Variants in TENM4 observed in about 807,000 individuals in gnomAD.
TENM4 encodes teneurin transmembrane protein 4, also known as teneurin-4.
TENM4 carries 82 observed loss-of-function variants against 243.3 expected under a neutral mutation model. The observed-to-expected ratio is 0.34, with a 90% CI of 0.28 to 0.40. The LOEUF (loss-of-function observed/expected upper bound fraction) is 0.40. TENM4 is among the 10% of genes least tolerant of loss of function. TENM4 has a pLI of 1.00. For missense variants in TENM4, 3,138 were observed against 3,673.3 expected, an observed-to-expected ratio of 0.85 and a Z score of 3.77; for synonymous variants, 1,412 against 1,456.3, an observed-to-expected ratio of 0.97 and a Z score of 0.69.
At chr11:78,933,194 A>T (rs1041028148) in intron 6 of TENM4, among the ~76,000 whole-genome samples, 1 of 152,102 alleles carries the variant, frequency 6.6e-6, no homozygotes, top group African/African-American at 2.4e-5. Flanking sequence ...TCTCCCTGGG[A>T]CAAGTGAGAA....
chr11:78,955,635 G>A (rs530906339), intron 6 of TENM4, among the ~76,000 whole-genome samples: 2 of 152,294 alleles, frequency 1.3e-5, no homozygotes, highest in East Asian at 3.9e-4. Context: ...AAAAGGAACT[G>A]CAAAGAGTCT....
intron 8 of TENM4, 105 bp from the exon 9 acceptor site, chr11:78,890,125 C>A: frequency 1.2e-6 from 1 of 867,642 alleles, no homozygotes; most frequent in Non-Finnish European, 1.7e-6. Context: ...TGCAGAGGAG[C>A]CTGGATAGAG....
chr11:79,156,470 A>C (rs1862618509), intron 3 of TENM4, among the ~76,000 whole-genome samples: 1 of 152,188 alleles, frequency 6.6e-6, no homozygotes, highest in Non-Finnish European at 1.5e-5. Flanking sequence ...TGAAATGGGC[A>C]AGGCTTTCTC....
intron 16 of TENM4, among the ~76,000 whole-genome samples, chr11:78,781,556 C>T (rs1027414835): frequency 3.9e-5 from 6 of 152,260 alleles, no homozygotes; most frequent in Admixed American, 2.6e-4. Flanking sequence ...CTTGCCTCTA[C>T]CAACAGAGGT....
intron 4 of TENM4, among the ~76,000 whole-genome samples, chr11:79,134,148 G>C (rs550656625): frequency 6.6e-6 from 1 of 152,232 alleles, no homozygotes; most frequent in African/African-American, 2.4e-5. Flanking sequence ...ATTCAGCAAA[G>C]TTTCCAGATA....
At chr11:79,087,987 C>T (rs1403577007) in intron 4 of TENM4, among the ~76,000 whole-genome samples, 1 of 152,208 alleles carries the variant, frequency 6.6e-6, no homozygotes, top group Non-Finnish European at 1.5e-5. Flanking sequence ...AAGCTCTGGC[C>T]CTTGGCCCCG....
intron 4 of TENM4, among the ~76,000 whole-genome samples, chr11:79,140,026 G>A (rs1862256514): frequency 6.6e-6 from 1 of 151,110 alleles, no homozygotes; most frequent in Non-Finnish European, 1.5e-5. Context: ...CTCAGGCATG[G>A]TCTCTTATTC....
intron 2 of TENM4, among the ~76,000 whole-genome samples, chr11:79,256,045 A>G (rs1340948179): frequency 6.6e-6 from 1 of 152,142 alleles, no homozygotes; most frequent in Non-Finnish European, 1.5e-5. Flanking sequence ...AGGCTATTGG[A>G]GCCACCAGCC....
chr11:78,744,964 TAGA>T (rs1367290628), intron 19 of TENM4, among the ~76,000 whole-genome samples: 2 of 152,114 alleles, frequency 1.3e-5, no homozygotes, highest in African/African-American at 4.8e-5. Flanking sequence ...ATATTAGGAG[TAGA>T]AGAAGTATCA....
chr11:78,817,018 C>T lies in TENM4; in HGVS notation c.1682-2623G>A, dbSNP rs1339753520. Among the ~76,000 whole-genome samples the T allele has an allele frequency of 4.6e-5, 7 of 152,270 alleles. No homozygotes were observed. The Middle Eastern group carries it at 0.014, about 296-fold the overall frequency. On this transcript the variant is annotated intron_variant, in intron 12 of 33. Transcript: ENST00000278550. Reference sequence around the variant, plus strand: ...TGGAGATGATTCCCTGCAACTGCTTCCTGTTCTAAAATTCTATGAGTCTAT... The same window carrying T: ...TGGAGATGATTCCCTGCAACTGCTTTCTGTTCTAAAATTCTATGAGTCTAT...
intron 6 of TENM4, among the ~76,000 whole-genome samples, chr11:79,031,036 T>G (rs958406920): frequency 1.3e-5 from 2 of 152,132 alleles, no homozygotes; most frequent in Non-Finnish European, 2.9e-5. Flanking sequence ...ATCGATTATT[T>G]GACGAAAGCC....
At chr11:79,348,765 A>T (rs1857369942) in intron 1 of TENM4, among the ~76,000 whole-genome samples, 1 of 152,132 alleles carries the variant, frequency 6.6e-6, no homozygotes, top group African/African-American at 2.4e-5. Context: ...AAGCCACCCA[A>T]TTTATGGTAT....
intron 6 of TENM4, among the ~76,000 whole-genome samples, chr11:78,980,596 A>T (rs1857770057): frequency 1.9e-4 from 29 of 152,260 alleles, no homozygotes; most frequent in Admixed American, 1.9e-3. Flanking sequence ...CAACAATAGT[A>T]ACAGTAGCGA....
chr11:78,857,228 T>C (rs754999876), intron 10 of TENM4, among the ~76,000 whole-genome samples: 6 of 152,224 alleles, frequency 3.9e-5, no homozygotes, highest in Non-Finnish European at 8.8e-5. Context: ...TTTGTTGTTA[T>C]GAAGGACTTC....
chr11:79,330,648 C>T (rs1044776047), intron 1 of TENM4, among the ~76,000 whole-genome samples: 5 of 152,200 alleles, frequency 3.3e-5, no homozygotes, highest in Non-Finnish European at 5.9e-5. Context: ...TAACAGCCAG[C>T]AGAGTCGAGA....
At chr11:79,302,811 C>A (rs1406188990) in intron 1 of TENM4, among the ~76,000 whole-genome samples, 5 of 152,064 alleles carry the variant, frequency 3.3e-5, no homozygotes, top group African/African-American at 9.7e-5. Context: ...GTAGAGCCAC[C>A]ATTTCCTTGA....
At chr11:79,379,929 G>T (rs1042031009) in intron 1 of TENM4, among the ~76,000 whole-genome samples, 1 of 152,190 alleles carries the variant, frequency 6.6e-6, no homozygotes, top group Non-Finnish European at 1.5e-5. Flanking sequence ...CTTGTCAGGG[G>T]CTGGGGGATC....
intron 1 of TENM4, among the ~76,000 whole-genome samples, chr11:79,436,724 CT>C: frequency 6.6e-6 from 1 of 152,182 alleles, no homozygotes; most frequent in Non-Finnish European, 1.5e-5. Context: ...ATTAGGGTGG[CT>C]GATCCGCTTA....
At chr11:79,285,963 T>C (rs1366897391) in intron 2 of TENM4, among the ~76,000 whole-genome samples, 1 of 152,156 alleles carries the variant, frequency 6.6e-6, no homozygotes, top group Non-Finnish European at 1.5e-5. Context: ...ATTGTGGTGA[T>C]GGTTGCACAA....
Sources: allele counts gnomAD v4.1 joint callset (sites outside exome capture counted in the v4.1 genomes callset), GRCh38; gene constraint gnomAD v4.1.1; transcripts MANE v1.5; gene names NCBI Gene and HGNC (gene_info 2026-07-23, HGNC 2026-07-21).